NTN1: variants seen among roughly 807,000 people sequenced by gnomAD.
NTN1 encodes the protein netrin 1, also known as netrin-1.
Under a neutral mutation model 54.2 loss-of-function variants are expected in NTN1, and 11 were observed. The observed-to-expected ratio is 0.20, with a 90% CI of 0.13 to 0.34. NTN1 has a LOEUF of 0.34. Among genes scored for constraint, NTN1 ranks in the 10% least tolerant of loss-of-function variants. The probability of loss-of-function intolerance (pLI) is 1.00; values close to 1 mark genes in which losing one functional copy is unlikely to be tolerated. For synonymous variants in NTN1, 371 were observed against 382.0 expected (o/e 0.97, Z 0.33); for missense variants, 740 against 893.1 (o/e 0.83, Z 2.18).
chr17:9,236,389 C>T (rs1209536882), intron 6 of NTN1, among the ~76,000 whole-genome samples: 1 of 152,214 alleles, frequency 6.6e-6, no homozygotes, highest in East Asian at 1.9e-4. Flanking sequence ...CTCATGCTCC[C>T]AGACCTGCAG....
rs2142379941 is a variant in NTN1 at position 9,239,967 on chromosome 17, A to G, written c.1814A>G (p.Ter605TrpextTer84). The change falls in exon 7 of 7, where the codon TAG becomes TGG. Residue 605 changes from the stop codon to tryptophan, a stop_lost. Coordinates refer to ENST00000173229, the MANE Select transcript of NTN1 (RefSeq NM_004822.3). The surrounding 1 kb of genome is among the most constrained non-coding windows in gnomAD (Gnocchi z 5.2). Reference protein sequence around the residue: ...REKKGKCKKA* With the variant: ...REKKGKCKKAW ...AAGAAGGGCAAGTGCAAGAAGGCCT[A>G]GCGCCGAGGCAGCGGGCGGGCGGGC... The G allele has an allele frequency of 4.2e-6, 1 of 239,874 alleles. No individual in the cohort carries two copies. The highest frequency in any genetic ancestry group is 7.9e-6 in the Non-Finnish European group (1 of 126,532). 14.9% of individuals were successfully genotyped at this position (239,874 alleles called of 1,614,324 possible). A position where few individuals can be genotyped will look rare whatever the true frequency, so the allele number is the denominator to read the frequency against.
In NTN1 at chr17:9,205,622, C is replaced by CAGAG. The variant is rs576330715; in HGVS notation, c.1412-15534_1412-15531dup. Among the ~76,000 whole-genome samples, 5 of 150,854 alleles carry CAGAG rather than the reference C, an allele frequency of 3.3e-5. No individual in the cohort carries two copies. In the South Asian group the frequency reaches 6.2e-4, roughly 19 times the overall value. The stretch of plus-strand genomic sequence containing the variant: ...GGGGTGACAAAGGGAGACCCTGTCT[C>CAGAG]AGAGAGAGAGAGAGAAGGGGCAGCT... On this transcript the variant is annotated intron_variant, in intron 5 of 6. Coordinates refer to ENST00000173229, the MANE Select transcript of NTN1 (RefSeq NM_004822.3).
the NTN1 span, among the ~76,000 whole-genome samples, chr17:9,006,003 TA>T: frequency 6.6e-6 from 1 of 152,180 alleles, no homozygotes; most frequent in Admixed American, 6.5e-5. Flanking sequence ...CAGCCGGCCA[TA>T]GGGGGACCCA....
At chr17:9,115,680 C>A (rs970502160) in intron 2 of NTN1, among the ~76,000 whole-genome samples, 1 of 152,262 alleles carries the variant, frequency 6.6e-6, no homozygotes, top group Non-Finnish European at 1.5e-5. Flanking sequence ...CCTTCCCCCC[C>A]GGGGCGGGGA....
At chr17:9,031,704 G>A (rs961857139) in intron 2 of NTN1, among the ~76,000 whole-genome samples, 3 of 152,150 alleles carry the variant, frequency 2.0e-5, no homozygotes, top group Non-Finnish European at 4.4e-5. Context: ...TAGCACTTTG[G>A]GAGGTTGAGG....
intron 2 of NTN1, among the ~76,000 whole-genome samples, chr17:9,107,395 C>CA (rs2092170910): frequency 6.6e-6 from 1 of 152,112 alleles, no homozygotes; most frequent in African/African-American, 2.4e-5. Flanking sequence ...TATGCTGTTG[C>CA]AAAAAATGTG....
At chr17:9,088,345 G>A (rs2092096423) in intron 2 of NTN1, among the ~76,000 whole-genome samples, 1 of 152,210 alleles carries the variant, frequency 6.6e-6, no homozygotes, top group African/African-American at 2.4e-5. Context: ...GGGATCAGGA[G>A]TTCTGGGTTC....
chr17:9,228,640 T>C (rs1022232311), intron 6 of NTN1, among the ~76,000 whole-genome samples: 1 of 152,240 alleles, frequency 6.6e-6, no homozygotes, highest in Non-Finnish European at 1.5e-5. Flanking sequence ...CAGAAATGTT[T>C]ATTAGTCACC....
At chr17:9,024,662 G>A (rs2091864217) in intron 2 of NTN1, among the ~76,000 whole-genome samples, 1 of 152,230 alleles carries the variant, frequency 6.6e-6, no homozygotes, top group African/African-American at 2.4e-5. Context: ...AACATGTCTT[G>A]GAGGGCCGGA....
intron 2 of NTN1, among the ~76,000 whole-genome samples, chr17:9,102,557 A>G (rs2092154079): frequency 6.6e-6 from 1 of 152,206 alleles, no homozygotes; most frequent in African/African-American, 2.4e-5. Flanking sequence ...CAGCCAAACC[A>G]TATCAGCGGC....
intron 6 of NTN1, among the ~76,000 whole-genome samples, chr17:9,232,568 G>A (rs993920753): frequency 6.6e-6 from 1 of 152,142 alleles, no homozygotes. Context: ...CCAGCTCTAC[G>A]TTGGGTGTCC....
At chr17:9,188,059 G>A (rs7220859) in intron 5 of NTN1, among the ~76,000 whole-genome samples, 53,760 of 152,032 alleles carry the variant, frequency 0.35, 9,982 homozygotes, top group Middle Eastern at 0.48. Context: ...TGATGAAAAC[G>A]TCCTGGAACT....
At chr17:9,233,912 G>C (rs1370255035) in intron 6 of NTN1, among the ~76,000 whole-genome samples, 1 of 152,192 alleles carries the variant, frequency 6.6e-6, no homozygotes, top group Non-Finnish European at 1.5e-5. Context: ...CTGGCTCTCT[G>C]ATTCTACTTC....
At chr17:9,114,162 A>T (rs796685405) in intron 2 of NTN1, among the ~76,000 whole-genome samples, 26,132 of 80,178 alleles carry the variant, frequency 0.33, 4,362 homozygotes, top group East Asian at 0.47. Flanking sequence ...AGAAAAAAAA[A>T]AAAAATATAT....
chr17:9,174,351 G>A (rs531205813), intron 3 of NTN1: 15 of 152,544 alleles, frequency 9.8e-5, no homozygotes, highest in Admixed American at 7.8e-4. Context: ...ATGAGTACAG[G>A]ACAGGCCTAG....
chr17:9,230,377 C>T (rs531749822), intron 6 of NTN1, among the ~76,000 whole-genome samples: 38 of 152,192 alleles, frequency 2.5e-4, no homozygotes, highest in Non-Finnish European at 3.1e-4. Flanking sequence ...CATGGTGTTT[C>T]GGAGACTTGC....
At chr17:9,129,855 G>A (rs1016662634) in intron 2 of NTN1, among the ~76,000 whole-genome samples, 2 of 152,174 alleles carry the variant, frequency 1.3e-5, no homozygotes, top group Non-Finnish European at 2.9e-5. Flanking sequence ...GTGTGGGAAC[G>A]TGTGCAACTC....
rs191328111 is a variant in NTN1 at position 9,168,392 on chromosome 17, C to T, written c.1207+5391C>T. Among the ~76,000 whole-genome samples, 346 of 152,220 alleles carry T rather than the reference C, an allele frequency of 2.3e-3. 2 individuals are homozygous for T. Among genetic ancestry groups the T allele is most frequent in the African/African-American group, 7.8e-3 (322 of 41,540 alleles). ...TACTAAAAATACAAAATTAGCCGGG[C>T]GCAGTGGCGCATGCCTGTAATCCCA... On this transcript the variant is annotated intron_variant, in intron 3 of 6. Transcript: ENST00000173229.
intron 2 of NTN1, among the ~76,000 whole-genome samples, chr17:9,066,510 C>A (rs2142211841): frequency 6.6e-6 from 1 of 152,038 alleles, no homozygotes; most frequent in South Asian, 2.1e-4. Flanking sequence ...TACCTGTAAT[C>A]CCAGCTACTC....
Sources: allele counts gnomAD v4.1 joint callset (sites outside exome capture counted in the v4.1 genomes callset), GRCh38; gene constraint gnomAD v4.1.1; non-coding constraint Gnocchi (gnomAD v3.1); transcripts MANE v1.5; gene names NCBI Gene and HGNC (gene_info 2026-07-23, HGNC 2026-07-21).